Variants in CUL1 observed in about 807,000 individuals in gnomAD.
CUL1 encodes cullin 1, also known as cullin-1.
In CUL1, 24 loss-of-function variants were observed where a neutral mutation model predicts 118.0. The observed-to-expected ratio is 0.20, with a 90% CI of 0.15 to 0.29. The LOEUF (loss-of-function observed/expected upper bound fraction) is 0.29, where lower values mean the gene tolerates loss of function less well. CUL1 is among the 10% of genes least tolerant of loss of function. CUL1 has a pLI of 1.00. For missense variants in CUL1, 361 were observed against 933.8 expected, an observed-to-expected ratio of 0.39 and a Z score of 7.99; for synonymous variants, 332 against 340.4, an observed-to-expected ratio of 0.98 and a Z score of 0.27.
chr7:148,779,957 A>G (rs1170595023), intron 9 of CUL1, among the ~76,000 whole-genome samples: 1 of 152,222 alleles, frequency 6.6e-6, no homozygotes, highest in East Asian at 1.9e-4. Flanking sequence ...CTCCCAGCCT[A>G]CATCTTTCTC....
At chr7:148,782,064 GT>G (rs1478911476) in intron 9 of CUL1, among the ~76,000 whole-genome samples, 1 of 152,152 alleles carries the variant, frequency 6.6e-6, no homozygotes, top group East Asian at 1.9e-4. Context: ...GCATTTTCCA[GT>G]GTTTGAATCC....
rs773166882 is a variant in CUL1 at position 148,783,997 on chromosome 7, C to T, written c.1218C>T (p.Asn406=). ...CTTGTGGTCGCTTCATAAACAACAA[C>T]GCGGTTACCAAGATGGCCCAATCAT... ...DKACGRFINN[N]AVTKMAQSSS... The change falls in exon 11 of 22, where the codon AAC becomes AAT. Residue 406 remains asparagine (N), a synonymous_variant. Coordinates refer to ENST00000325222, the MANE Select transcript of CUL1 (RefSeq NM_003592.3). 3.3e-5 allele frequency: 54 copies of T among 1,614,010 alleles called. No homozygotes were observed. The highest frequency in any genetic ancestry group is 4.5e-5 in the East Asian group (2 of 44,900).
chr7:148,761,890 A>G (rs1799843060), intron 7 of CUL1, among the ~76,000 whole-genome samples: 1 of 152,212 alleles, frequency 6.6e-6, no homozygotes, highest in Non-Finnish European at 1.5e-5. Flanking sequence ...AAACTGTTCC[A>G]CCTCAGATCA....
At chr7:148,753,122 C>T (rs1197707234) in intron 2 of CUL1, among the ~76,000 whole-genome samples, 1 of 151,992 alleles carries the variant, frequency 6.6e-6, no homozygotes, top group Non-Finnish European at 1.5e-5. Context: ...AAATATCTTG[C>T]CCTCATGCCA....
At chr7:148,701,653 G>A (rs1797724135) in intron 1 of CUL1, among the ~76,000 whole-genome samples, 1 of 152,188 alleles carries the variant, frequency 6.6e-6, no homozygotes, top group Admixed American at 6.5e-5. Context: ...GAGTGGGATA[G>A]GAAGTTGCTG....
At chr7:148,715,594 C>G (rs565849938) in intron 1 of CUL1, among the ~76,000 whole-genome samples, 153 of 152,130 alleles carry the variant, frequency 1.0e-3, no homozygotes, top group Non-Finnish European at 1.8e-3. Context: ...ACTACTTTGC[C>G]CACGTCCTTT....
intron 17 of CUL1, among the ~76,000 whole-genome samples, chr7:148,796,648 C>G (rs532216313): frequency 2.8e-4 from 43 of 152,270 alleles, no homozygotes; most frequent in African/African-American, 9.1e-4. Flanking sequence ...ACAGGGCTGA[C>G]AGGTGTGGAC....
At chr7:148,725,249 C>CA (rs1563151113) in intron 1 of CUL1, among the ~76,000 whole-genome samples, 1 of 105,832 alleles carries the variant, frequency 9.4e-6, no homozygotes, top group Admixed American at 9.1e-5. Context: ...ACACACACAC[C>CA]CGTACCCCTC....
At chr7:148,777,179 CAAAAT>C (rs2129461859) in intron 9 of CUL1, among the ~76,000 whole-genome samples, 1 of 152,234 alleles carries the variant, frequency 6.6e-6, no homozygotes, top group Admixed American at 6.5e-5. Context: ...AGGCCGGAAT[CAAAAT>C]GAAACCCACA....
At chr7:148,750,394 C>T (rs1361067343) in intron 2 of CUL1, among the ~76,000 whole-genome samples, 1 of 151,590 alleles carries the variant, frequency 6.6e-6, no homozygotes, top group African/African-American at 2.4e-5. Context: ...TGGTTTGCTG[C>T]ACCCATTAAC....
At chr7:148,790,536 A>G (rs1454736380) in intron 16 of CUL1, 95 bp downstream of exon 16, 2 of 1,080,702 alleles carry the variant, frequency 1.9e-6, no homozygotes, top group Middle Eastern at 2.2e-4. Context: ...AGCAGAATCT[A>G]GAATTCAGCT....
At chr7:148,750,813 T>A (rs1239019115) in intron 2 of CUL1, among the ~76,000 whole-genome samples, 1 of 152,068 alleles carries the variant, frequency 6.6e-6, no homozygotes, top group Non-Finnish European at 1.5e-5. Flanking sequence ...CCTTAAGAAT[T>A]ATGCTAAGTC....
At chr7:148,754,401 G>A (rs1181237941) in intron 3 of CUL1, among the ~76,000 whole-genome samples, 2 of 152,010 alleles carry the variant, frequency 1.3e-5, no homozygotes, top group African/African-American at 4.8e-5. Flanking sequence ...TTGATCTCCT[G>A]GGCTCAAGTG....
intron 11 of CUL1, among the ~76,000 whole-genome samples, chr7:148,784,359 C>T (rs1341842865): frequency 4.6e-5 from 7 of 152,168 alleles, no homozygotes; most frequent in African/African-American, 1.4e-4. Flanking sequence ...CAGACAAGAT[C>T]GGGCACGTTC....
At chr7:148,749,249 T>C (rs1212588494) in intron 2 of CUL1, among the ~76,000 whole-genome samples, 1 of 151,388 alleles carries the variant, frequency 6.6e-6, no homozygotes, top group East Asian at 1.9e-4. Context: ...AAACCCCGTC[T>C]CTACTAAAAA....
chr7:148,705,948 T>C (rs953391946), intron 1 of CUL1, among the ~76,000 whole-genome samples: 3 of 152,190 alleles, frequency 2.0e-5, no homozygotes, highest in Non-Finnish European at 2.9e-5. Flanking sequence ...AGGTTGAGCA[T>C]CCCTAATTTG....
chr7:148,798,603 A>G lies in CUL1; in HGVS notation c.2062A>G (p.Met688Val). ...ATTAAGGGTTAACATCAATGTGCCA[A>G]TGAAAACCGAACAGAAGCAGGAACA... is the stretch of plus-strand genomic sequence containing the variant. ...KKLRVNINVP[M>V]KTEQKQEQET... Residue 688 changes from methionine to valine, a missense_variant, in exon 20 of 22, where the codon ATG (methionine) becomes GTG (valine). Met to Val is a conservative substitution (Grantham distance 21). This residue lies in a region of CUL1 where 24 missense variants were observed against 126.7 expected (regional missense o/e 0.19). Coordinates refer to ENST00000325222, the MANE Select transcript of CUL1 (RefSeq NM_003592.3). 1 of 1,614,166 alleles carries G rather than the reference A, an allele frequency of 6.2e-7. No individual in the cohort carries two copies.
intron 19 of CUL1, among the ~76,000 whole-genome samples, 173 bp from the exon 20 acceptor site, chr7:148,798,399 G>A (rs934514101): frequency 5.3e-5 from 8 of 152,008 alleles, no homozygotes; most frequent in African/African-American, 1.9e-4. Context: ...GGCCATGATC[G>A]GACTCTACCC....
intron 2 of CUL1, among the ~76,000 whole-genome samples, chr7:148,736,659 C>G (rs982922653): frequency 6.6e-6 from 1 of 152,108 alleles, no homozygotes; most frequent in African/African-American, 2.4e-5. Flanking sequence ...TAAACTTTAT[C>G]CTAAGGAAAT....
Sources: allele counts gnomAD v4.1 joint callset (sites outside exome capture counted in the v4.1 genomes callset), GRCh38; gene constraint gnomAD v4.1.1; regional missense constraint gnomAD v4.1.1; transcripts MANE v1.5; gene names NCBI Gene and HGNC (gene_info 2026-07-23, HGNC 2026-07-21).